The following RAB38 variants were observed in gnomAD, a reference collection of about 807,000 sequenced individuals.
RAB38 encodes ras-related protein Rab-38.
Under a neutral mutation model 18.4 loss-of-function variants are expected in RAB38, and 15 were observed. The observed-to-expected ratio is 0.82, with a 90% CI of 0.55 to 1.26. The LOEUF (loss-of-function observed/expected upper bound fraction) is 1.26. RAB38 is among the 50% of genes most tolerant of loss of function. The probability of loss-of-function intolerance (pLI) is 0.00; values close to 1 mark genes in which losing one functional copy is unlikely to be tolerated. For missense variants in RAB38, 294 were observed against 267.4 expected (o/e 1.10, Z -0.69); for synonymous variants, 101 against 104.4 (o/e 0.97, Z 0.20).
At chr11:88,016,921 G>A in the RAB38 span, among the ~76,000 whole-genome samples, 1 of 152,000 alleles carries the variant, frequency 6.6e-6, no homozygotes, top group Admixed American at 6.6e-5. Flanking sequence ...TGCCTTCAAA[G>A]AACCCACAGC....
At chr11:88,037,623 C>G in the RAB38 span, among the ~76,000 whole-genome samples, 1 of 152,098 alleles carries the variant, frequency 6.6e-6, no homozygotes, top group African/African-American at 2.4e-5. Flanking sequence ...AACTACTAAT[C>G]TGCTTTCTAT....
At chr11:88,096,941 T>A in the RAB38 span, among the ~76,000 whole-genome samples, 2 of 149,028 alleles carry the variant, frequency 1.3e-5, no homozygotes, top group Admixed American at 1.3e-4. Flanking sequence ...TTTTATTTTG[T>A]AAAATAAAAA....
chr11:88,141,699 C>CT (rs1396507817), intron 2 of RAB38, among the ~76,000 whole-genome samples: 1 of 152,190 alleles, frequency 6.6e-6, no homozygotes, highest in African/African-American at 2.4e-5. Context: ...GCTTTGCTCT[C>CT]TGTTTCCCCT....
chr11:87,878,301 C>CTATCATCTATCAAT, the RAB38 span, among the ~76,000 whole-genome samples: 2 of 124,328 alleles, frequency 1.6e-5, no homozygotes, highest in Non-Finnish European at 3.6e-5. Flanking sequence ...TATCTATCTA[C>CTATCATCTATCAAT]CTATCATCTA....
At chr11:88,033,017 C>G in the RAB38 span, among the ~76,000 whole-genome samples, 1 of 152,030 alleles carries the variant, frequency 6.6e-6, no homozygotes, top group Non-Finnish European at 1.5e-5. Context: ...GAAAATGTGG[C>G]ACATATACAC....
chr11:88,129,114 C>T (rs553875448), intron 2 of RAB38, among the ~76,000 whole-genome samples: 6 of 152,022 alleles, frequency 3.9e-5, no homozygotes, highest in South Asian at 2.1e-4. Flanking sequence ...AATATTTTTC[C>T]GTAAACTTAC....
chr11:87,977,729 CAT>C, the RAB38 span, among the ~76,000 whole-genome samples: 9 of 67,576 alleles, frequency 1.3e-4, no homozygotes, highest in Middle Eastern at 0.017. Context: ...TATTATATGA[CAT>C]ATGTTATATA....
the RAB38 span, among the ~76,000 whole-genome samples, chr11:87,918,597 C>T: frequency 1.3e-5 from 2 of 152,080 alleles, no homozygotes; most frequent in African/African-American, 4.8e-5. Flanking sequence ...ATGAATTTCA[C>T]TGTGGTTTTC....
At chr11:88,023,772 G>C in the RAB38 span, among the ~76,000 whole-genome samples, 1 of 152,096 alleles carries the variant, frequency 6.6e-6, no homozygotes, top group African/African-American at 2.4e-5. Flanking sequence ...TTTGACAAAG[G>C]TGCCAAGAAC....
chr11:88,080,238 A>C, the RAB38 span, among the ~76,000 whole-genome samples: 1 of 151,742 alleles, frequency 6.6e-6, no homozygotes, highest in Non-Finnish European at 1.5e-5. Flanking sequence ...CAAAACAAAA[A>C]AATTATTCAT....
chr11:88,021,323 A>T, the RAB38 span, among the ~76,000 whole-genome samples: 1 of 152,150 alleles, frequency 6.6e-6, no homozygotes, highest in Non-Finnish European at 1.5e-5. Context: ...ATGCCAATAA[A>T]TTGAAAAGTC....
chr11:87,892,288 T>C, the RAB38 span, among the ~76,000 whole-genome samples: 1 of 151,832 alleles, frequency 6.6e-6, no homozygotes, highest in Non-Finnish European at 1.5e-5. Flanking sequence ...TGGTATTTAC[T>C]CCCCAAACAC....
chr11:88,017,695 T>C, the RAB38 span, among the ~76,000 whole-genome samples: 1 of 144,868 alleles, frequency 6.9e-6, no homozygotes. Context: ...TTTTGTTAAA[T>C]TGTATTTTAT....
chr11:88,021,616 A>C, the RAB38 span, among the ~76,000 whole-genome samples: 1 of 147,716 alleles, frequency 6.8e-6, no homozygotes, highest in Non-Finnish European at 1.5e-5. Context: ...TTTGAGACAG[A>C]GTTTTGCTCC....
At chr11:87,966,650 T>TAA in the RAB38 span, among the ~76,000 whole-genome samples, 1 of 152,178 alleles carries the variant, frequency 6.6e-6, no homozygotes, top group African/African-American at 2.4e-5. Flanking sequence ...CATAGATTTT[T>TAA]GGACAAGGTA....
At chr11:87,903,451 G>A in the RAB38 span, among the ~76,000 whole-genome samples, 10 of 151,384 alleles carry the variant, frequency 6.6e-5, no homozygotes, top group African/African-American at 7.2e-5. Flanking sequence ...GTATCTTTGC[G>A]TTTGACTTAT....
chr11:88,081,780 C>A, the RAB38 span, among the ~76,000 whole-genome samples: 1 of 151,810 alleles, frequency 6.6e-6, no homozygotes, highest in Non-Finnish European at 1.5e-5. Flanking sequence ...TCTGAAGTTC[C>A]AGGTGGACAT....
At chr11:88,055,703 A>G in the RAB38 span, among the ~76,000 whole-genome samples, 1 of 152,232 alleles carries the variant, frequency 6.6e-6, no homozygotes, top group East Asian at 1.9e-4. Context: ...AAACTTGGCC[A>G]AAGGATTGTG....
chr11:88,153,837 A>AC (rs1279789802), intron 1 of RAB38, among the ~76,000 whole-genome samples: 1 of 152,234 alleles, frequency 6.6e-6, no homozygotes, highest in Non-Finnish European at 1.5e-5. Context: ...CCAAGATAGT[A>AC]CATTAGAGCC....
Sources: allele counts gnomAD v4.1 joint callset (sites outside exome capture counted in the v4.1 genomes callset), GRCh38; gene constraint gnomAD v4.1.1; transcripts MANE v1.5; gene names NCBI Gene and HGNC (gene_info 2026-07-23, HGNC 2026-07-21).